Variants in PHGDH observed in about 807,000 individuals in gnomAD.
PHGDH encodes the protein phosphoglycerate dehydrogenase, also known as D-3-phosphoglycerate dehydrogenase.
In PHGDH, 50 loss-of-function variants were observed where a neutral mutation model predicts 52.6. The ratio of observed to expected loss-of-function variants is 0.95; its 90% CI spans 0.76 to 1.20. The LOEUF (loss-of-function observed/expected upper bound fraction) is 1.20, where lower values mean the gene tolerates loss of function less well. Among genes scored for constraint, PHGDH ranks in the 50% most tolerant of loss-of-function variants. The probability of loss-of-function intolerance (pLI) is 0.00; values close to 1 mark genes in which losing one functional copy is unlikely to be tolerated. For missense variants in PHGDH, 630 were observed against 684.6 expected (o/e 0.92, Z 0.89); for synonymous variants, 271 against 280.5 (o/e 0.97, Z 0.34).
At chr1:119,721,597 C>T (rs750660564) in intron 2 of PHGDH, 27 of 394,744 alleles carry the variant, frequency 6.8e-5, no homozygotes, top group East Asian at 1.3e-4. Context: ...AAATGTTTCA[C>T]GAGCCCACCC....
chr1:119,725,279 G>C (rs1209219768), intron 3 of PHGDH, among the ~76,000 whole-genome samples: 1 of 152,202 alleles, frequency 6.6e-6, no homozygotes, highest in African/African-American at 2.4e-5. Flanking sequence ...GAGGCTCCAT[G>C]ATCAGCTGGG....
At position 119,737,300 on chromosome 1, in the gene PHGDH, G is replaced by A. The variant is rs770125125; in HGVS notation, c.945+34G>A. On this transcript the variant is annotated intron_variant, in intron 8 of 11. Transcript: ENST00000641023. ...CACCACCTGGGGCTGGGGGCCAGGA[G>A]TCAGAGGGAGGAGAGGAAGGAAGGC... The A allele has an allele frequency of 4.4e-6, 7 of 1,589,978 alleles. No individual in the cohort carries two copies. The East Asian group carries it at 1.1e-4, about 25-fold the overall frequency.
At chr1:119,734,967 G>A in intron 6 of PHGDH, 1 of 656,832 alleles carries the variant, frequency 1.5e-6, no homozygotes, top group Non-Finnish European at 2.7e-6. Context: ...TTGGGGTCTA[G>A]GTAAGCTGGG....
intron 5 of PHGDH, chr1:119,727,463 A>G (rs1651483443): frequency 2.9e-5 from 10 of 344,810 alleles, no homozygotes; most frequent in South Asian, 2.5e-4. Context: ...GAAAAAGAAT[A>G]TTTTGAAAGT....
intron 2 of PHGDH, among the ~76,000 whole-genome samples, chr1:119,722,389 C>T (rs373486759): frequency 6.6e-6 from 1 of 152,044 alleles, no homozygotes; most frequent in African/African-American, 2.4e-5. Context: ...AGGGTGAACA[C>T]GTATATGAAA....
intron 8 of PHGDH, among the ~76,000 whole-genome samples, chr1:119,738,931 C>G (rs1407856759): frequency 6.6e-6 from 1 of 152,146 alleles, no homozygotes; most frequent in Non-Finnish European, 1.5e-5. Context: ...ACCTCTTGGT[C>G]AAAATAACTA....
chr1:119,727,423 C>A, intron 5 of PHGDH: 2 of 416,430 alleles, frequency 4.8e-6, no homozygotes, highest in Non-Finnish European at 9.0e-6. Flanking sequence ...ACAAGAGACA[C>A]GGTGCAGCAT....
chr1:119,727,406 A>C (rs1302840313), intron 5 of PHGDH: 1 of 445,746 alleles, frequency 2.2e-6, no homozygotes, highest in African/African-American at 2.0e-5. Context: ...AGTTTAAAAG[A>C]ATTTAAACAA....
chr1:119,735,369 G>A lies in PHGDH; in HGVS notation c.718G>A (p.Val240Met), dbSNP rs765276824. The A allele has an allele frequency of 2.2e-5, 35 of 1,614,070 alleles. No homozygotes were observed. The highest frequency in any genetic ancestry group is 3.3e-4 in the Middle Eastern group (2 of 6,084). Residue 240 changes from valine to methionine, a missense_variant, in exon 7 of 12, where the codon GTG becomes ATG. Val to Met is a conservative substitution (Grantham distance 21). Coordinates refer to ENST00000641023, the MANE Select transcript of PHGDH (RefSeq NM_006623.4). ...GGTGAACTGTGCCCGTGGAGGGATC[G>A]TGGACGAAGGCGCCCTGCTCCGGGC... ...RVVNCARGGI[V>M]DEGALLRALQ...
At chr1:119,727,392 T>C (rs1651478163) in intron 5 of PHGDH, 1 of 472,552 alleles carries the variant, frequency 2.1e-6, no homozygotes, top group African/African-American at 2.0e-5. Flanking sequence ...GTTCCTGTCT[T>C]CTTAGTTTAA....
At position 119,721,317 on chromosome 1, in the gene PHGDH, A is replaced by C. The variant is rs587672049; in HGVS notation, c.286A>C (p.Met96Leu). ...EAATRKGILVMNTPNGNSLSA... is the reference protein window; with the variant it reads ...EAATRKGILVLNTPNGNSLSA... ...CGCAACAAGGAAGGGCATCTTGGTTATGAAGTAAGTCATGGAGGCTGCGGG... is the reference window on the plus strand; with the variant it reads ...CGCAACAAGGAAGGGCATCTTGGTTCTGAAGTAAGTCATGGAGGCTGCGGG... Residue 96 changes from methionine to leucine, a missense_variant, in exon 2 of 12, where the codon ATG becomes CTG. Coordinates refer to ENST00000641023, the MANE Select transcript of PHGDH (RefSeq NM_006623.4). The C allele has an allele frequency of 6.2e-6, 10 of 1,613,886 alleles. No homozygotes were observed. The South Asian group carries it at 9.9e-5, about 16-fold the overall frequency.
At position 119,741,777 on chromosome 1, in the gene PHGDH, G is replaced by A. The variant is rs1335368965; in HGVS notation, c.1089G>A (p.Leu363=). The change falls in exon 10 of 12, where the codon CTG becomes CTA. Residue 363 remains leucine (L), a synonymous_variant. Transcript: ENST00000641023. The stretch of plus-strand genomic sequence containing the variant: ...TCTCTCTGTCCCCAGGAACATCCCT[G>A]AAGAATGCTGGGAACTGCCTAAGCC... ...TIQVITQGTS[L]KNAGNCLSPA... is the part of the protein sequence containing the mutation. 6.2e-7 allele frequency: 1 copy of A among 1,613,838 alleles called. No individual in the cohort carries two copies.
At chr1:119,741,350 A>AAT in intron 9 of PHGDH, among the ~76,000 whole-genome samples, 1 of 152,134 alleles carries the variant, frequency 6.6e-6, no homozygotes, top group Admixed American at 6.5e-5. Context: ...CAAGGCAGGG[A>AAT]GCTGGGCAGC....
At chr1:119,721,136 G>T (rs1651136657) in intron 1 of PHGDH, 34 bp from the exon 2 acceptor site, 2 of 1,610,362 alleles carry the variant, frequency 1.2e-6, no homozygotes, top group Admixed American at 3.3e-5. Flanking sequence ...CTCACAGAAT[G>T]ACTTTCTGGA....
At chr1:119,729,049 AT>A (rs1348498952) in intron 5 of PHGDH, among the ~76,000 whole-genome samples, 1 of 152,202 alleles carries the variant, frequency 6.6e-6, no homozygotes, top group Non-Finnish European at 1.5e-5. Flanking sequence ...CATTGTACAC[AT>A]TGAATATTAT....
rs1263235299 is a variant in PHGDH at position 119,721,306 on chromosome 1, G to T, written c.275G>T (p.Gly92Val). The T allele has an allele frequency of 1.2e-6, 2 of 1,613,912 alleles. No homozygotes were observed. The highest frequency in any genetic ancestry group is 1.7e-5 in the Admixed American group (1 of 60,004). Residue 92 changes from glycine (G) to valine (V), a missense_variant, in exon 2 of 12, where the codon GGC (glycine) becomes GTC (valine). Gly to Val is a moderately radical substitution (Grantham distance 109). Transcript: ENST00000641023. ...GATCTGGAGGCCGCAACAAGGAAGG[G>T]CATCTTGGTTATGAAGTAAGTCATG... ...NVDLEAATRKGILVMNTPNGN... is the reference protein window; with the variant it reads ...NVDLEAATRKVILVMNTPNGN...
At chr1:119,714,059 T>C (rs887730050) in intron 1 of PHGDH, among the ~76,000 whole-genome samples, 1 of 152,206 alleles carries the variant, frequency 6.6e-6, no homozygotes, top group African/African-American at 2.4e-5. Context: ...CTGGGCATTT[T>C]TGGACTGTTT....
Position 119,744,157 on chromosome 1 carries a change from A to G in PHGDH, c.*117A>G. ...TGAACGCGGGCCTCTGACACTGCTTACACTGCACTCTGACCCTGTAGTACA... is the reference window on the plus strand; with the variant it reads ...TGAACGCGGGCCTCTGACACTGCTTGCACTGCACTCTGACCCTGTAGTACA... On this transcript the variant is annotated 3_prime_UTR_variant, in exon 12 of 12. Transcript: ENST00000641023. 1.1e-6 allele frequency: 1 copy of G among 892,860 alleles called. No individual in the cohort carries two copies. Among genetic ancestry groups the G allele is most frequent in the South Asian group, 1.3e-5 (1 of 75,366 alleles). The allele number at this position is 892,860 out of a possible 1,614,324, so 55.3% of individuals were successfully genotyped here.
At chr1:119,716,660 G>C (rs1298017580) in intron 1 of PHGDH, among the ~76,000 whole-genome samples, 1 of 152,138 alleles carries the variant, frequency 6.6e-6, no homozygotes, top group Non-Finnish European at 1.5e-5. Flanking sequence ...GACTCTGGGT[G>C]GTCCCTTCTC....
Sources: gnomAD v4.1 joint callset for allele counts (sites outside exome capture counted in the v4.1 genomes callset) on GRCh38, gnomAD v4.1.1 for gene constraint, MANE v1.5 for transcripts, NCBI Gene and HGNC (gene_info 2026-07-23, HGNC 2026-07-21) for gene names.